Variants in TENT4B observed in about 807,000 individuals in gnomAD.
TENT4B encodes PAP associated domain containing 5.
TENT4B carries 10 observed loss-of-function variants against 75.0 expected under a neutral mutation model. The observed-to-expected ratio is 0.13, with a 90% CI of 0.08 to 0.23. TENT4B has a LOEUF of 0.23. TENT4B is among the 10% of genes least tolerant of loss of function. The pLI, the probability that TENT4B is intolerant of heterozygous loss-of-function variation, is 1.00. For synonymous variants in TENT4B, 350 were observed against 357.7 expected (o/e 0.98, Z 0.24); for missense variants, 579 against 893.8 (o/e 0.65, Z 4.49).
In TENT4B at chr16:50,211,466, G is replaced by C; in HGVS notation, c.762+20G>C. The C allele has an allele frequency of 6.4e-7, 1 of 1,556,044 alleles. No individual in the cohort carries two copies. The highest frequency in any genetic ancestry group is 8.6e-7 in the Non-Finnish European group (1 of 1,160,750). On this transcript the variant is annotated intron_variant, in intron 2 of 11. Coordinates refer to ENST00000561678, the MANE Select transcript of TENT4B (RefSeq NM_001365324.3). ...GCTGACGTGAGTCCCTTCCTGGGTA[G>C]CTTATGCTTCGGACAGTCCTTGTCC...
rs2032236349 is a variant in TENT4B, at chr16:50,230,140, A to G, written c.*812A>G. 7.1e-6 allele frequency: 7 copies of G among 983,524 alleles called. No individual in the cohort carries two copies. The highest frequency in any genetic ancestry group is 4.7e-5 in the South Asian group (1 of 21,230). 60.9% of individuals were successfully genotyped at this position (983,524 alleles called of 1,614,324 possible). A position where few individuals can be genotyped will look rare whatever the true frequency, so the allele number is the denominator to read the frequency against. ...TTTTGTAAAAAAAAAAAAATGTACT[A>G]TGTACTTTTGTGTAAACACTGAAAA... On this transcript the variant is annotated 3_prime_UTR_variant, in exon 12 of 12. Transcript: ENST00000561678.
chr16:50,234,655 A>G lies in TENT4B; in HGVS notation c.*5327A>G, dbSNP rs972780921. ...AGTCACTTTAAAAAAGTCTTTTGAA[A>G]GTCCTACAATCCTAAAATAAATCAC... On this transcript the variant is annotated 3_prime_UTR_variant, in exon 12 of 12. Transcript: ENST00000561678. The G allele has an allele frequency of 8.1e-6, 8 of 985,446 alleles. No homozygotes were observed. In the Admixed American group the frequency reaches 4.9e-4, roughly 60 times the overall value. The allele number at this position is 985,446 out of a possible 1,614,324, so 61.0% of individuals were successfully genotyped here. A position where few individuals can be genotyped will look rare whatever the true frequency, so the allele number is the denominator to read the frequency against.
intron 1 of TENT4B, among the ~76,000 whole-genome samples, chr16:50,173,812 G>T (rs1244308618): frequency 6.6e-6 from 1 of 152,020 alleles, no homozygotes; most frequent in Non-Finnish European, 1.5e-5. Context: ...TCCTGCCTCA[G>T]CTCCCCAGGT....
In TENT4B at chr16:50,175,719, C is replaced by G. The variant is rs150371473; in HGVS notation, c.638+21460C>G. Among the ~76,000 whole-genome samples the G allele has an allele frequency of 6.5e-3, 988 of 152,234 alleles. 10 individuals carry two copies. Among genetic ancestry groups the G allele is most frequent in the African/African-American group, 0.023 (949 of 41,532 alleles). On this transcript the variant is annotated intron_variant, in intron 1 of 11. Coordinates refer to ENST00000561678, the MANE Select transcript of TENT4B (RefSeq NM_001365324.3). ...TCTCTTGACCTCGTGATCCGCCCGC[C>G]TCAGCCTCCCAAAGTGCTGAGATTA...
chr16:50,193,290 C>T lies in TENT4B; in HGVS notation c.639-18033C>T, dbSNP rs950229994. Among the ~76,000 whole-genome samples, 9 of 148,052 alleles carry T rather than the reference C, an allele frequency of 6.1e-5. 1 individual carries two copies. Among genetic ancestry groups the T allele is most frequent in the East Asian group, 4.0e-4 (2 of 5,002 alleles). On this transcript the variant is annotated intron_variant, in intron 1 of 11. Coordinates refer to ENST00000561678, the MANE Select transcript of TENT4B (RefSeq NM_001365324.3). ...GACCAAAGGGTTAGGAGAGTCAGGC[C>T]GGTAAAGAGGAGTGGTGGGCCCATA...
Position 50,230,603 on chromosome 16 carries a change from G to C in TENT4B, c.*1275G>C, listed in dbSNP as rs2032260791. ...GATCTATTTTGTATTGCCTTATTAAGACCAAATACTTCTTGTCATCCCATT... is the reference window on the plus strand; with the variant it reads ...GATCTATTTTGTATTGCCTTATTAACACCAAATACTTCTTGTCATCCCATT... On this transcript the variant is annotated 3_prime_UTR_variant, in exon 12 of 12. Transcript: ENST00000561678. 1 of 982,738 alleles carries C rather than the reference G, an allele frequency of 1.0e-6. No individual in the cohort carries two copies. The highest frequency in any genetic ancestry group is 1.8e-5 in the African/African-American group (1 of 57,120). The allele number at this position is 982,738 out of a possible 1,614,324, so 60.9% of individuals were successfully genotyped here.
At chr16:50,168,641 A>AT (rs1244481991) in intron 1 of TENT4B, among the ~76,000 whole-genome samples, 1 of 147,556 alleles carries the variant, frequency 6.8e-6, no homozygotes, top group Non-Finnish European at 1.5e-5. Context: ...AACAAATTCC[A>AT]TATCACATAA....
chr16:50,153,143 G>A (rs2037794068), upstream of TENT4B: 2 of 679,422 alleles, frequency 2.9e-6, no homozygotes, highest in Non-Finnish European at 1.9e-6. Context: ...GCTGCTGCGC[G>A]GCGCAGCGGG....
chr16:50,211,224 C>T, intron 1 of TENT4B, 99 bp from the exon 2 acceptor site: 1 of 1,237,284 alleles, frequency 8.1e-7, no homozygotes, highest in Non-Finnish European at 1.1e-6. Context: ...AGGTAGTCAT[C>T]AGCTGAATTA....
chr16:50,219,805 T>C (rs2031741888), intron 5 of TENT4B, among the ~76,000 whole-genome samples: 1 of 150,464 alleles, frequency 6.6e-6, no homozygotes, highest in African/African-American at 2.4e-5. Flanking sequence ...CCCTTTTCCT[T>C]CCTTCTGCTT....
intron 1 of TENT4B, among the ~76,000 whole-genome samples, chr16:50,201,680 C>T (rs1363762950): frequency 1.3e-5 from 2 of 151,474 alleles, no homozygotes; most frequent in Non-Finnish European, 2.9e-5. Flanking sequence ...CCATCTCTAC[C>T]AAAAATACAA....
intron 1 of TENT4B, among the ~76,000 whole-genome samples, chr16:50,187,893 C>T (rs1024794893): frequency 2.0e-5 from 3 of 152,030 alleles, no homozygotes; most frequent in African/African-American, 7.2e-5. Context: ...AAAAAAACCT[C>T]TGATGCATAA....
chr16:50,161,704 C>T (rs1425712725), intron 1 of TENT4B, among the ~76,000 whole-genome samples: 1 of 152,166 alleles, frequency 6.6e-6, no homozygotes, highest in East Asian at 1.9e-4. Flanking sequence ...TAGTACAGAG[C>T]CCATGTTCCC....
At chr16:50,209,631 A>G (rs1369096276) in intron 1 of TENT4B, among the ~76,000 whole-genome samples, 1 of 152,190 alleles carries the variant, frequency 6.6e-6, no homozygotes, top group Admixed American at 6.5e-5. Context: ...CGAAAGGCCC[A>G]GGTTTTGAAA....
At chr16:50,156,031 C>T (rs745565685) in intron 1 of TENT4B, among the ~76,000 whole-genome samples, 1 of 152,110 alleles carries the variant, frequency 6.6e-6, no homozygotes, top group East Asian at 1.9e-4. Flanking sequence ...CATATTTATA[C>T]TTAGAAGCAA....
intron 1 of TENT4B, among the ~76,000 whole-genome samples, chr16:50,175,142 A>G (rs183920696): frequency 1.8e-4 from 27 of 152,122 alleles, no homozygotes; most frequent in African/African-American, 6.5e-4. Flanking sequence ...AACATGTAAT[A>G]TTTCTCTTTC....
At chr16:50,195,977 A>C (rs1396928223) in intron 1 of TENT4B, among the ~76,000 whole-genome samples, 2 of 152,212 alleles carry the variant, frequency 1.3e-5, no homozygotes, top group Non-Finnish European at 2.9e-5. Context: ...TTGGAATGGT[A>C]ATCATCCCAG....
At chr16:50,176,479 T>C (rs1182562626) in intron 1 of TENT4B, among the ~76,000 whole-genome samples, 2 of 139,594 alleles carry the variant, frequency 1.4e-5, no homozygotes, top group African/African-American at 5.2e-5. Context: ...GTGTCAACCA[T>C]ATATACCAAT....
In TENT4B at chr16:50,205,359, A is replaced by G. The variant is rs1244300297; in HGVS notation, c.639-5964A>G. 3.3e-5 allele frequency among the ~76,000 whole-genome samples: 5 copies of G among 152,158 alleles called. No individual in the cohort carries two copies. In the East Asian group the frequency reaches 9.7e-4, roughly 29 times the overall value. On this transcript the variant is annotated intron_variant, in intron 1 of 11. Transcript: ENST00000561678. Reference sequence around the variant, plus strand: ...TTCAAAAGTGGACAAATACATGCTGATTTTTTAAAAAAAATTATAATAGTA... The same window carrying G: ...TTCAAAAGTGGACAAATACATGCTGGTTTTTTAAAAAAAATTATAATAGTA...
Sources: gnomAD v4.1 joint callset for allele counts (sites outside exome capture counted in the v4.1 genomes callset) on GRCh38, gnomAD v4.1.1 for gene constraint, MANE v1.5 for transcripts, NCBI Gene and HGNC (gene_info 2026-07-23, HGNC 2026-07-21) for gene names.